NLE1: variants seen among roughly 807,000 people sequenced by gnomAD.
NLE1 encodes notchless homolog 1, also known as notchless protein homolog 1.
A neutral mutation model predicts 62.8 loss-of-function variants in NLE1; 37 were observed. That is an observed-to-expected ratio of 0.59 (90% CI 0.45 to 0.78). The LOEUF (loss-of-function observed/expected upper bound fraction) is 0.78, where lower values mean the gene tolerates loss of function less well. Among genes scored for constraint, NLE1 ranks in the 30% least tolerant of loss-of-function variants. The pLI, the probability that NLE1 is intolerant of heterozygous loss-of-function variation, is 0.00. For missense variants in NLE1, 555 were observed against 637.9 expected (o/e 0.87, Z 1.40); for synonymous variants, 243 against 253.0 (o/e 0.96, Z 0.37).
chr17:35,137,270 T>G, intron 6 of NLE1, 77 bp from the exon 7 acceptor site: 1 of 1,335,074 alleles, frequency 7.5e-7, no homozygotes, highest in Non-Finnish European at 1.0e-6. Context: ...CATTCCCAAC[T>G]TAAAGGCCAT....
chr17:35,134,819 AG>A, intron 10 of NLE1: 1 of 351,374 alleles, frequency 2.8e-6, no homozygotes, highest in Non-Finnish European at 5.6e-6. Flanking sequence ...TGGGAGGCCG[AG>A]GCAGTTGGAT....
rs372790802 is a variant in NLE1 at position 35,137,111 on chromosome 17, G to A, written c.718C>T (p.Arg240Cys). The A allele has an allele frequency of 1.5e-5, 24 of 1,613,650 alleles. No homozygotes were observed. The highest frequency in any genetic ancestry group is 9.4e-5 in the African/African-American group (7 of 74,824). ...GACTGGGTGTGCCCGGTGAGGATGC[G>A]CTCACAGCGGCCTGCAGTTGTGTCC... ...IWDTTAGRCE[R>C]ILTGHTQSVT... Residue 240 changes from arginine (R) to cysteine (C), a missense_variant, in exon 7 of 13, where the codon CGC becomes TGC. Physicochemically the swap from Arg to Cys is radical, Grantham distance 180 (BLOSUM62 -3). Coordinates refer to ENST00000442241, the MANE Select transcript of NLE1 (RefSeq NM_018096.5).
intron 2 of NLE1, among the ~76,000 whole-genome samples, chr17:35,140,969 G>A (rs1354321332): frequency 6.6e-6 from 1 of 152,164 alleles, no homozygotes; most frequent in Non-Finnish European, 1.5e-5. Context: ...AAAAGCAGAG[G>A]CTCAGAACAA....
intron 9 of NLE1, 122 bp downstream of exon 9, chr17:35,136,047 C>A: frequency 1.1e-6 from 1 of 929,974 alleles, no homozygotes; most frequent in African/African-American, 1.6e-5. Context: ...TTATGAAGAA[C>A]AACTTTTTGG....
chr17:35,139,278 G>C lies in NLE1; in HGVS notation c.417C>G (p.Arg139=). ...LASGSGDTTV[R]FWDLSTETPH... Reference sequence around the variant, plus strand: ...GTGTCTCTGTGCTGAGATCCCAGAAGCGCACGGTGGTGTCTCCAGAGCCAC... The same window carrying C: ...GTGTCTCTGTGCTGAGATCCCAGAACCGCACGGTGGTGTCTCCAGAGCCAC... The change falls in exon 4 of 13, where the codon CGC becomes CGG. Residue 139 remains arginine, a synonymous_variant. Coordinates refer to ENST00000442241, the MANE Select transcript of NLE1 (RefSeq NM_018096.5). The C allele has an allele frequency of 1.9e-6, 3 of 1,614,076 alleles. No homozygotes were observed. Among genetic ancestry groups the C allele is most frequent in the Non-Finnish European group, 2.5e-6 (3 of 1,179,954 alleles).
Position 35,142,128 on chromosome 17 carries a change from C to G in NLE1, c.19-6G>C. 1 of 1,610,570 alleles carries G rather than the reference C, an allele frequency of 6.2e-7. No homozygotes were observed. The highest frequency in any genetic ancestry group is 8.5e-7 in the Non-Finnish European group (1 of 1,179,018). ...TCGCGCGCCACCGCCTCGTCCTGCGCGAGCAAGTGGGGCGGGAGTCAGTCT... is the reference window on the plus strand; with the variant it reads ...TCGCGCGCCACCGCCTCGTCCTGCGGGAGCAAGTGGGGCGGGAGTCAGTCT... On this transcript the variant is annotated splice_polypyrimidine_tract_variant and splice_region_variant and intron_variant, in intron 1 of 12. Coordinates refer to ENST00000442241, the MANE Select transcript of NLE1 (RefSeq NM_018096.5).
Position 35,133,248 on chromosome 17 carries a change from G to A in NLE1, c.1375-7C>T, listed in dbSNP as rs1269356150. On this transcript the variant is annotated splice_polypyrimidine_tract_variant and splice_region_variant and intron_variant, in intron 11 of 12. Coordinates refer to ENST00000442241, the MANE Select transcript of NLE1 (RefSeq NM_018096.5). The stretch of plus-strand genomic sequence containing the variant: ...TCCAGTCAACAGCATATACCTAAAG[G>A]GAGGCAGAGGAAGGCAGGTGGGGTG... The A allele has an allele frequency of 1.2e-6, 2 of 1,614,152 alleles. No homozygotes were observed. The highest frequency in any genetic ancestry group is 8.5e-7 in the Non-Finnish European group (1 of 1,180,018).
chr17:35,134,547 G>T (rs186434142), intron 10 of NLE1, among the ~76,000 whole-genome samples: 1 of 152,114 alleles, frequency 6.6e-6, no homozygotes, highest in Non-Finnish European at 1.5e-5. Context: ...TTATAGGCAC[G>T]TGCCACTATG....
Position 35,129,201 on chromosome 17 carries a change from T to C in NLE1, c.*3236A>G, listed in dbSNP as rs2091861575. On this transcript the variant is annotated 3_prime_UTR_variant, in exon 13 of 13. Coordinates refer to ENST00000442241, the MANE Select transcript of NLE1 (RefSeq NM_018096.5). ...GCGTATAAGAAATATGGAATGAGGGTGTACCCTAAAGTGGGTGGGGCTGCC... is the reference window on the plus strand; with the variant it reads ...GCGTATAAGAAATATGGAATGAGGGCGTACCCTAAAGTGGGTGGGGCTGCC... 2 of 571,684 alleles carry C rather than the reference T, an allele frequency of 3.5e-6. No homozygotes were observed. The highest frequency in any genetic ancestry group is 6.2e-6 in the Non-Finnish European group (2 of 320,682). The allele number at this position is 571,684 out of a possible 1,614,324, so 35.4% of individuals were successfully genotyped here. A position where few individuals can be genotyped will look rare whatever the true frequency, so the allele number is the denominator to read the frequency against.
Position 35,130,569 on chromosome 17 carries a change from C to T in NLE1, c.*1868G>A. 9 of 937,154 alleles carry T rather than the reference C, an allele frequency of 9.6e-6. No individual in the cohort carries two copies. The highest frequency in any genetic ancestry group is 1.4e-5 in the Non-Finnish European group (9 of 642,710). 58.1% of individuals were successfully genotyped at this position (937,154 alleles called of 1,614,324 possible). On this transcript the variant is annotated 3_prime_UTR_variant, in exon 13 of 13. Transcript: ENST00000442241. Reference sequence around the variant, plus strand: ...CTGGCAGAGTGGTATGGGCACCCCACCCCTGGGCTGGGGCCAAGGCTACAT... The same window carrying T: ...CTGGCAGAGTGGTATGGGCACCCCATCCCTGGGCTGGGGCCAAGGCTACAT...
In NLE1 at chr17:35,129,565, C is replaced by G. The variant is rs1396683273; in HGVS notation, c.*2872G>C. The G allele has an allele frequency of 1.2e-6, 2 of 1,614,174 alleles. No individual in the cohort carries two copies. Among genetic ancestry groups the G allele is most frequent in the East Asian group, 4.5e-5 (2 of 44,890 alleles). ...TCAACAAGATTTTGGGCACTACTGT[C>G]AAGCTGATGGAGCTAAAGCCTAACA... On this transcript the variant is annotated 3_prime_UTR_variant, in exon 13 of 13. Coordinates refer to ENST00000442241, the MANE Select transcript of NLE1 (RefSeq NM_018096.5).
Position 35,135,423 on chromosome 17 carries a change from C to G in NLE1, c.1040G>C (p.Gly347Ala). ...RGQGPERLVS[G>A]SDDFTLFLWS... ...CAGGAATAAGGTGAAGTCGTCGGAGCCAGACACCAGCCTCTCTGGACCCTG... is the reference window on the plus strand; with the variant it reads ...CAGGAATAAGGTGAAGTCGTCGGAGGCAGACACCAGCCTCTCTGGACCCTG... Residue 347 changes from glycine (G) to alanine (A), a missense_variant, in exon 10 of 13, where the codon GGC becomes GCC. Transcript: ENST00000442241. 6.2e-7 allele frequency: 1 copy of G among 1,614,078 alleles called. No homozygotes were observed.
At chr17:35,136,873 C>T in intron 7 of NLE1, 128 bp downstream of exon 7, 2 of 925,014 alleles carry the variant, frequency 2.2e-6, no homozygotes, top group Non-Finnish European at 3.3e-6. Flanking sequence ...CAAAACACCT[C>T]CCTAGACCAG....
At chr17:35,141,552 C>CA (rs549704502) in intron 2 of NLE1, among the ~76,000 whole-genome samples, 5,912 of 83,320 alleles carry the variant, frequency 0.071, 462 homozygotes, top group African/African-American at 0.15. Context: ...GACTCCGTCT[C>CA]AAAAAAAAAA....
chr17:35,132,721 G>A (rs2091884346), intron 12 of NLE1, among the ~76,000 whole-genome samples: 1 of 152,190 alleles, frequency 6.6e-6, no homozygotes, highest in Non-Finnish European at 1.5e-5. Flanking sequence ...CTTCCAGAGT[G>A]TTGACCCTCC....
intron 3 of NLE1, 96 bp downstream of exon 3, chr17:35,139,753 G>A (rs1242279609): frequency 2.6e-6 from 4 of 1,520,772 alleles, no homozygotes; most frequent in Non-Finnish European, 3.5e-6. Context: ...AGGCAGCCCT[G>A]AGGCCCCATC....
chr17:35,135,976 A>C (rs543271894), intron 9 of NLE1, among the ~76,000 whole-genome samples, 193 bp downstream of exon 9: 64 of 152,364 alleles, frequency 4.2e-4, no homozygotes, highest in Non-Finnish European at 7.1e-4. Flanking sequence ...CAAATAAACT[A>C]AACAAAAAAC....
At position 35,135,277 on chromosome 17, in the gene NLE1, T is replaced by C. The variant is rs758050989; in HGVS notation, c.1186A>G (p.Ile396Val). The C allele has an allele frequency of 6.2e-7, 1 of 1,614,038 alleles. No individual in the cohort carries two copies. The highest frequency in any genetic ancestry group is 1.3e-5 in the African/African-American group (1 of 74,900). ...IVASASFDKS[I>V]KLWDGRTGKY... The stretch of plus-strand genomic sequence containing the variant: ...CCCGTCCTGCCATCCCACAGCTTGA[T>C]GGACTTGTCAAAGGAGGCACTAGCC... The change falls in exon 10 of 13, where the codon ATC (isoleucine) becomes GTC (valine). Residue 396 changes from isoleucine (I) to valine (V), a missense_variant. Physicochemically the swap from Ile to Val is conservative, Grantham distance 29 (BLOSUM62 3). Transcript: ENST00000442241.
Position 35,132,392 on chromosome 17 carries a change from C to T in NLE1, c.*45G>A. 3 of 1,436,648 alleles carry T rather than the reference C, an allele frequency of 2.1e-6. No individual in the cohort carries two copies. The highest frequency in any genetic ancestry group is 2.8e-6 in the Non-Finnish European group (3 of 1,088,844). The allele number at this position is 1,436,648 out of a possible 1,614,324, so 89.0% of individuals were successfully genotyped here. On this transcript the variant is annotated 3_prime_UTR_variant, in exon 13 of 13. Transcript: ENST00000442241. The stretch of plus-strand genomic sequence containing the variant: ...GTTCTCTGGCAGGGAAGGCAGCTGG[C>T]AGAGGCCGAGTCGAGGTGGGGGTCA...
Sources: allele counts gnomAD v4.1 joint callset (sites outside exome capture counted in the v4.1 genomes callset), GRCh38; gene constraint gnomAD v4.1.1; transcripts MANE v1.5; gene names NCBI Gene and HGNC (gene_info 2026-07-23, HGNC 2026-07-21).